Variants in LHFPL6 observed in about 807,000 individuals in gnomAD.
LHFPL6 encodes LHFPL tetraspan subfamily member 6 protein.
LHFPL6 carries 9 observed loss-of-function variants against 20.6 expected under a neutral mutation model. That is an observed-to-expected ratio of 0.44 (90% CI 0.26 to 0.76). The LOEUF is 0.76. Among genes scored for constraint, LHFPL6 ranks in the 30% least tolerant of loss-of-function variants. LHFPL6 has a pLI of 0.20. For synonymous variants in LHFPL6, 105 were observed against 98.7 expected (o/e 1.06, Z -0.38); for missense variants, 218 against 253.5 (o/e 0.86, Z 0.95).
At chr13:39,506,853 A>C (rs368988082) in intron 2 of LHFPL6, among the ~76,000 whole-genome samples, 4 of 152,322 alleles carry the variant, frequency 2.6e-5, no homozygotes, top group African/African-American at 9.6e-5. Context: ...TAAGCTTTTA[A>C]ATGAAACATG....
chr13:39,379,264 C>T (rs1593291417), intron 2 of LHFPL6, among the ~76,000 whole-genome samples: 1 of 152,284 alleles, frequency 6.6e-6, no homozygotes, highest in East Asian at 1.9e-4. Context: ...CTTTAGTTTG[C>T]ATCAAAGCCT....
At chr13:39,590,461 G>T (rs567530545) in intron 2 of LHFPL6, among the ~76,000 whole-genome samples, 2 of 152,306 alleles carry the variant, frequency 1.3e-5, no homozygotes, top group South Asian at 4.2e-4. Context: ...AGGAATTAAT[G>T]TTCCTCAGAA....
intron 2 of LHFPL6, among the ~76,000 whole-genome samples, chr13:39,436,441 A>C (rs1871959530): frequency 6.6e-6 from 1 of 152,240 alleles, no homozygotes; most frequent in Non-Finnish European, 1.5e-5. Context: ...CATACATGAC[A>C]GCAGCTTTAG....
chr13:39,378,385 G>T (rs1248411266), intron 3 of LHFPL6, 43 bp downstream of exon 3: 1 of 1,506,084 alleles, frequency 6.6e-7, no homozygotes, highest in Non-Finnish European at 9.2e-7. Context: ...CATCAGATAA[G>T]GTTCTTTTTC....
intron 2 of LHFPL6, among the ~76,000 whole-genome samples, chr13:39,573,630 A>G (rs1465336892): frequency 2.0e-5 from 3 of 152,284 alleles, no homozygotes; most frequent in East Asian, 3.9e-4. Context: ...GTTTAACATC[A>G]CAAGTTTTTT....
chr13:39,575,584 C>T (rs1872088975), intron 2 of LHFPL6, among the ~76,000 whole-genome samples: 2 of 151,994 alleles, frequency 1.3e-5, no homozygotes, highest in African/African-American at 2.4e-5. Flanking sequence ...TTCTAAAAGC[C>T]CTAGCTTTTA....
intron 2 of LHFPL6, among the ~76,000 whole-genome samples, chr13:39,564,635 T>C (rs1032343335): frequency 6.6e-6 from 1 of 152,232 alleles, no homozygotes; most frequent in Non-Finnish European, 1.5e-5. Flanking sequence ...CCATTTTGGT[T>C]GCCTTTGGGA....
At chr13:39,486,491 C>A (rs1235328617) in intron 2 of LHFPL6, among the ~76,000 whole-genome samples, 1 of 152,128 alleles carries the variant, frequency 6.6e-6, no homozygotes, top group Non-Finnish European at 1.5e-5. Flanking sequence ...GCCCCACAAA[C>A]CTGAAATATT....
intron 3 of LHFPL6, among the ~76,000 whole-genome samples, chr13:39,375,296 T>A (rs1328213106): frequency 6.6e-6 from 1 of 152,190 alleles, no homozygotes; most frequent in Non-Finnish European, 1.5e-5. Flanking sequence ...CGCTCCCTAT[T>A]TAACTTCATA....
rs2138330029 is a variant in LHFPL6 at position 39,343,614 on chromosome 13, TG to T, written c.*321del. On this transcript the variant is annotated 3_prime_UTR_variant, in exon 4 of 4. Transcript: ENST00000379589. ...TATATGTAGATTTGTTGTGTGTGTG[TG>T]TGTGTGTGTGTGTGTGTGTGTGTGT... is the stretch of plus-strand genomic sequence containing the variant. 3 of 241,588 alleles carry T rather than the reference TG, an allele frequency of 1.2e-5. No homozygotes were observed. Among genetic ancestry groups the T allele is most frequent in the Non-Finnish European group, 2.3e-5 (3 of 129,958 alleles). The allele number at this position is 241,588 out of a possible 1,614,324, so 15.0% of individuals were successfully genotyped here.
rs1192075960 is a variant in LHFPL6, at chr13:39,352,990, A to AT, written c.485-8937dup. 1.3e-3 allele frequency among the ~76,000 whole-genome samples: 106 copies of AT among 84,248 alleles called. 1 individual carries two copies. The highest frequency in any genetic ancestry group is 3.9e-3 in the African/African-American group (78 of 20,128). 55.3% of individuals were successfully genotyped at this position (84,248 alleles called of 152,430 possible). A position where few individuals can be genotyped will look rare whatever the true frequency, so the allele number is the denominator to read the frequency against. On this transcript the variant is annotated intron_variant, in intron 3 of 3. Transcript: ENST00000379589. ...ACACACACATATATATATATATATA[A>AT]TTTTTTTTTTTTTTTTGAGACAGAG...
chr13:39,417,903 G>T (rs138725961), intron 2 of LHFPL6, among the ~76,000 whole-genome samples: 1 of 152,258 alleles, frequency 6.6e-6, no homozygotes, highest in African/African-American at 2.4e-5. Flanking sequence ...AAGGAGCATG[G>T]GATTTGAAGT....
intron 2 of LHFPL6, among the ~76,000 whole-genome samples, chr13:39,565,455 T>C (rs1871681272): frequency 6.6e-6 from 1 of 152,216 alleles, no homozygotes; most frequent in Admixed American, 6.5e-5. Flanking sequence ...ATTTGTGTAG[T>C]TGTTAAAATA....
intron 2 of LHFPL6, among the ~76,000 whole-genome samples, chr13:39,540,734 G>A (rs1870771813): frequency 6.6e-6 from 1 of 152,092 alleles, no homozygotes; most frequent in Non-Finnish European, 1.5e-5. Flanking sequence ...AACTATTTTA[G>A]TGAGAAAATA....
intron 2 of LHFPL6, among the ~76,000 whole-genome samples, chr13:39,580,317 C>T (rs777287361): frequency 1.3e-5 from 2 of 151,932 alleles, no homozygotes; most frequent in African/African-American, 2.4e-5. Flanking sequence ...TGAGAACATG[C>T]ATAAGGATAT....
At chr13:39,493,225 T>C (rs1868986199) in intron 2 of LHFPL6, among the ~76,000 whole-genome samples, 1 of 150,076 alleles carries the variant, frequency 6.7e-6, no homozygotes, top group African/African-American at 2.4e-5. Context: ...TCCCAGCACT[T>C]TGGGAGGACA....
Position 39,603,042 on chromosome 13 carries a change from G to A in LHFPL6, c.-334C>T, listed in dbSNP as rs1007025770. 3.3e-5 allele frequency: 5 copies of A among 152,526 alleles called. No homozygotes were observed. Among genetic ancestry groups the A allele is most frequent in the African/African-American group, 7.2e-5 (3 of 41,452 alleles). 9.4% of individuals were successfully genotyped at this position (152,526 alleles called of 1,614,324 possible). ...GAACCCCGGGGCCCGACCTGGAAGAGCAGGGGTTGGCAGGAGGCGGAGGGT... is the reference window on the plus strand; with the variant it reads ...GAACCCCGGGGCCCGACCTGGAAGAACAGGGGTTGGCAGGAGGCGGAGGGT... On this transcript the variant is annotated 5_prime_UTR_variant, in exon 1 of 4. Transcript: ENST00000379589.
intron 2 of LHFPL6, among the ~76,000 whole-genome samples, chr13:39,516,093 T>C (rs1334251760): frequency 3.9e-5 from 6 of 152,200 alleles, no homozygotes; most frequent in Non-Finnish European, 8.8e-5. Flanking sequence ...TAATTACGAG[T>C]TCCTATTGTC....
chr13:39,379,085 G>A (rs556564423), intron 2 of LHFPL6, among the ~76,000 whole-genome samples: 427 of 119,978 alleles, frequency 3.6e-3, no homozygotes, highest in African/African-American at 0.012. Context: ...GAGCATCCAC[G>A]CATCTCAGAA....
Sources: allele counts gnomAD v4.1 joint callset (sites outside exome capture counted in the v4.1 genomes callset), GRCh38; gene constraint gnomAD v4.1.1; transcripts MANE v1.5; gene names NCBI Gene and HGNC (gene_info 2026-07-23, HGNC 2026-07-21).